The following ITGAV variants were observed in gnomAD, a reference collection of about 807,000 sequenced individuals.
The protein encoded by ITGAV is integrin subunit alpha V.
A neutral mutation model predicts 143.8 loss-of-function variants in ITGAV; 76 were observed. That is an observed-to-expected ratio of 0.53 (90% CI 0.44 to 0.64). ITGAV has a LOEUF of 0.64. Ranked by LOEUF, ITGAV falls within the 30% of genes least tolerant of loss-of-function variation. The probability of loss-of-function intolerance (pLI) is 0.00; values close to 1 mark genes in which losing one functional copy is unlikely to be tolerated. For missense variants in ITGAV, 1,193 were observed against 1,274.7 expected, an observed-to-expected ratio of 0.94 and a Z score of 0.98; for synonymous variants, 453 against 446.7, an observed-to-expected ratio of 1.01 and a Z score of -0.18.
At position 186,646,747 on chromosome 2, in the gene ITGAV, T is replaced by A; in HGVS notation, c.1221T>A (p.Asn407Lys). 1.2e-6 allele frequency: 2 copies of A among 1,611,262 alleles called. No individual in the cohort carries two copies. The highest frequency in any genetic ancestry group is 1.7e-6 in the Non-Finnish European group (2 of 1,178,236). Reference protein sequence around the residue: ...EDKKGIVYIFNGRSTGLNAVP... With the variant: ...EDKKGIVYIFKGRSTGLNAVP... ...AAAAAGGAATTGTTTATATCTTCAA[T>A]GGAAGATCAACAGGCTTGAACGCAG... is the stretch of plus-strand genomic sequence containing the variant. Residue 407 changes from asparagine (N) to lysine (K), a missense_variant, in exon 13 of 30, where the codon AAT becomes AAA. By Grantham distance (94) the Asn-to-Lys change is moderately conservative. Coordinates refer to ENST00000261023, the MANE Select transcript of ITGAV (RefSeq NM_002210.5).
intron 2 of ITGAV, among the ~76,000 whole-genome samples, chr2:186,611,738 C>A (rs186072927): frequency 1.3e-5 from 2 of 152,212 alleles, no homozygotes; most frequent in Non-Finnish European, 2.9e-5. Flanking sequence ...AAGCATAATA[C>A]CTACCTCTCA....
In ITGAV at chr2:186,667,173, G is replaced by T. The variant is rs1473688545; in HGVS notation, c.2270G>T (p.Ser757Ile). The change falls in exon 23 of 30, where the codon AGC (serine) becomes ATC (isoleucine). Residue 757 changes from serine (S) to isoleucine (I), a missense_variant. Ser to Ile is a moderately radical substitution (Grantham distance 142). Transcript: ENST00000261023. The part of the protein sequence containing the change: ...IQSSNLFDKV[S>I]PVVSHKVDLA... ...AGCTCAAATCTATTTGACAAAGTAA[G>T]CCCAGTTGTATCTCACAAAGTTGAT... is the stretch of plus-strand genomic sequence containing the variant. The T allele has an allele frequency of 6.2e-7, 1 of 1,610,798 alleles. No homozygotes were observed. The highest frequency in any genetic ancestry group is 8.5e-7 in the Non-Finnish European group (1 of 1,178,174).
In ITGAV at chr2:186,678,826, A is replaced by C. The variant is rs201400608; in HGVS notation, c.*1534A>C. The C allele has an allele frequency of 2.6e-5, 11 of 426,856 alleles. No homozygotes were observed. Among genetic ancestry groups the C allele is most frequent in the Non-Finnish European group, 4.6e-5 (10 of 216,356 alleles). The allele number at this position is 426,856 out of a possible 1,614,324, so 26.4% of individuals were successfully genotyped here. On this transcript the variant is annotated 3_prime_UTR_variant, in exon 30 of 30. Coordinates refer to ENST00000261023, the MANE Select transcript of ITGAV (RefSeq NM_002210.5). ...TAGGTAATGATAAATATTTCCCTTA[A>C]ATAATTGACTATTTTGCTGTGTTTT...
chr2:186,602,306 A>AT (rs1229111578), intron 2 of ITGAV, among the ~76,000 whole-genome samples, 155 bp downstream of exon 2: 8 of 152,084 alleles, frequency 5.3e-5, no homozygotes, highest in Non-Finnish European at 8.8e-5. Context: ...TTATTATATG[A>AT]TTTTTTCCTA....
intron 4 of ITGAV, among the ~76,000 whole-genome samples, chr2:186,629,133 T>C (rs1400622799): frequency 6.6e-6 from 1 of 152,094 alleles, no homozygotes; most frequent in East Asian, 1.9e-4. Flanking sequence ...CTATTTGTAA[T>C]ATAATTACCA....
At chr2:186,599,816 A>G (rs933540496) in intron 1 of ITGAV, among the ~76,000 whole-genome samples, 4 of 152,288 alleles carry the variant, frequency 2.6e-5, no homozygotes, top group Non-Finnish European at 5.9e-5. Context: ...TCTAGGTGGC[A>G]TTCTTGAATG....
intron 12 of ITGAV, among the ~76,000 whole-genome samples, chr2:186,643,142 C>T (rs1365503234): frequency 6.6e-6 from 1 of 152,218 alleles, no homozygotes; most frequent in Non-Finnish European, 1.5e-5. Context: ...GTGTGATCTT[C>T]ACCTTGTCTT....
At chr2:186,638,104 T>C (rs954648113) in intron 8 of ITGAV, among the ~76,000 whole-genome samples, 173 bp from the exon 9 acceptor site, 1 of 152,214 alleles carries the variant, frequency 6.6e-6, no homozygotes, top group African/African-American at 2.4e-5. Context: ...AAATTTTGAT[T>C]TTATAGTTTA....
rs577831910 is a variant in ITGAV, at chr2:186,596,798, C to T, written c.186-5223C>T. Among the ~76,000 whole-genome samples, 41 of 152,280 alleles carry T rather than the reference C, an allele frequency of 2.7e-4. 1 individual carries two copies. In the South Asian group the frequency reaches 7.5e-3, roughly 28 times the overall value. On this transcript the variant is annotated intron_variant, in intron 1 of 29. Transcript: ENST00000261023. Reference sequence around the variant, plus strand: ...TTTCTTTTTCACTACACAGCTTCCTCGTAAGACTTTAACATATGTCTAAGG... The same window carrying T: ...TTTCTTTTTCACTACACAGCTTCCTTGTAAGACTTTAACATATGTCTAAGG...
intron 19 of ITGAV, 74 bp downstream of exon 19, chr2:186,663,909 A>G (rs1010192463): frequency 3.7e-5 from 35 of 948,122 alleles, no homozygotes; most frequent in Non-Finnish European, 5.9e-5. Flanking sequence ...CAAAGGACTA[A>G]CATATTTTAA....
At chr2:186,665,359 G>C (rs1688860532) in intron 21 of ITGAV, 141 bp downstream of exon 21, 1 of 614,646 alleles carries the variant, frequency 1.6e-6, no homozygotes, top group Non-Finnish European at 2.9e-6. Context: ...TAAATGATTA[G>C]CAGAGTTTTG....
At chr2:186,673,658 A>G (rs941935111) in intron 26 of ITGAV, among the ~76,000 whole-genome samples, 2 of 151,516 alleles carry the variant, frequency 1.3e-5, no homozygotes, top group African/African-American at 2.4e-5. Context: ...TTTTATTATT[A>G]TTATTATTTT....
intron 29 of ITGAV, 49 bp downstream of exon 29, chr2:186,676,984 G>A: frequency 6.3e-7 from 1 of 1,575,100 alleles, no homozygotes; most frequent in East Asian, 2.2e-5. Flanking sequence ...AGAAGAAAAG[G>A]GAAAGGGAAG....
At chr2:186,668,213 TA>T (rs1167446729) in intron 24 of ITGAV, among the ~76,000 whole-genome samples, 41 of 30,366 alleles carry the variant, frequency 1.4e-3, no homozygotes, top group Non-Finnish European at 1.9e-3. Flanking sequence ...TATATATATA[TA>T]TATTTTTTTT....
At chr2:186,666,809 A>G (rs1268408059) in intron 22 of ITGAV, 26 bp downstream of exon 22, 1 of 1,181,190 alleles carries the variant, frequency 8.5e-7, no homozygotes, top group Admixed American at 2.2e-5. Context: ...ATATTCACTT[A>G]TAACTATCAA....
intron 2 of ITGAV, among the ~76,000 whole-genome samples, chr2:186,606,385 G>T (rs757977476): frequency 7.2e-5 from 11 of 152,158 alleles, no homozygotes; most frequent in Non-Finnish European, 1.5e-4. Context: ...CATCTCCCTA[G>T]TGCAGTATTC....
intron 15 of ITGAV, among the ~76,000 whole-genome samples, chr2:186,654,026 T>C (rs192643406): frequency 1.3e-5 from 2 of 152,226 alleles, no homozygotes; most frequent in African/African-American, 4.8e-5. Context: ...CTTTTATCAA[T>C]GAGACAGTTT....
In ITGAV at chr2:186,679,622, T is replaced by G. The variant is rs1689300686; in HGVS notation, c.*2330T>G. 1 of 151,968 alleles carries G rather than the reference T, an allele frequency of 6.6e-6. No homozygotes were observed. The highest frequency in any genetic ancestry group is 2.4e-5 in the African/African-American group (1 of 41,440). The allele number at this position is 151,968 out of a possible 1,614,324, so 9.4% of individuals were successfully genotyped here. Reference sequence around the variant, plus strand: ...AAATCCATTTTGAAATGTAAAATTTTTATGATCTGATTCAGTTTTAAGAAA... The same window carrying G: ...AAATCCATTTTGAAATGTAAAATTTGTATGATCTGATTCAGTTTTAAGAAA... On this transcript the variant is annotated 3_prime_UTR_variant, in exon 30 of 30. Transcript: ENST00000261023.
In ITGAV at chr2:186,667,174, C is replaced by T. The variant is rs759093846; in HGVS notation, c.2271C>T (p.Ser757=). ...GCTCAAATCTATTTGACAAAGTAAG[C>T]CCAGTTGTATCTCACAAAGTTGATC... ...IQSSNLFDKV[S]PVVSHKVDLA... Residue 757 remains serine, a synonymous_variant, in exon 23 of 30, where the codon AGC becomes AGT. Transcript: ENST00000261023. The T allele has an allele frequency of 1.9e-6, 3 of 1,611,270 alleles. No individual in the cohort carries two copies. In the South Asian group the frequency reaches 3.3e-5, roughly 18 times the overall value.
Sources: allele counts gnomAD v4.1 joint callset (sites outside exome capture counted in the v4.1 genomes callset), GRCh38; gene constraint gnomAD v4.1.1; transcripts MANE v1.5; gene names NCBI Gene and HGNC (gene_info 2026-07-23, HGNC 2026-07-21).